Variants in PTCHD4 observed in about 807,000 individuals in gnomAD.
PTCHD4 encodes patched domain containing 4, also known as patched domain-containing protein 4.
PTCHD4 carries 33 observed loss-of-function variants against 58.1 expected under a neutral mutation model. That is an observed-to-expected ratio of 0.57 (90% CI 0.43 to 0.76). PTCHD4 has a LOEUF of 0.76. Among genes scored for constraint, PTCHD4 ranks in the 30% least tolerant of loss-of-function variants. PTCHD4 has a pLI of 0.00. For missense variants in PTCHD4, 1,058 were observed against 1,027.1 expected, an observed-to-expected ratio of 1.03 and a Z score of -0.41; for synonymous variants, 478 against 409.6, an observed-to-expected ratio of 1.17 and a Z score of -2.02.
chr6:47,985,415 G>T (rs1413812640), intron 4 of PTCHD4, among the ~76,000 whole-genome samples: 1 of 152,026 alleles, frequency 6.6e-6, no homozygotes, highest in Admixed American at 6.6e-5. Flanking sequence ...ATTTGCAGTA[G>T]CAAAGCATAT....
chr6:48,038,663 C>CA (rs11417903), intron 3 of PTCHD4, among the ~76,000 whole-genome samples: 71,333 of 120,024 alleles, frequency 0.59, 21,459 homozygotes, highest in East Asian at 0.72. Flanking sequence ...AAGTCTGTCT[C>CA]AAAAAAAAAA....
rs1158669044 is a variant in PTCHD4, at chr6:47,875,249, T to G, written c.*3054A>C. On this transcript the variant is annotated 3_prime_UTR_variant, in exon 5 of 5. Transcript: ENST00000339488. ...TAATTTGAATGGCATTAGTACTTCATAAATGAACAAAACAATGAGTGCAAA... is the reference window on the plus strand; with the variant it reads ...TAATTTGAATGGCATTAGTACTTCAGAAATGAACAAAACAATGAGTGCAAA... Among the ~76,000 whole-genome samples the G allele has an allele frequency of 6.6e-6, 1 of 151,782 alleles. No homozygotes were observed. The highest frequency in any genetic ancestry group is 1.5e-5 in the Non-Finnish European group (1 of 67,860).
intron 4 of PTCHD4, among the ~76,000 whole-genome samples, chr6:47,941,186 A>G (rs1766207281): frequency 6.6e-6 from 1 of 152,184 alleles, no homozygotes. Flanking sequence ...AAGTCCACCA[A>G]TGAGAGACAC....
chr6:47,998,817 G>A (rs1046109483), intron 4 of PTCHD4, among the ~76,000 whole-genome samples: 2 of 152,042 alleles, frequency 1.3e-5, no homozygotes, highest in Non-Finnish European at 2.9e-5. Context: ...TGACACAGTA[G>A]GTCCATGTCA....
intron 3 of PTCHD4, among the ~76,000 whole-genome samples, chr6:48,060,822 C>T (rs1422848584): frequency 6.6e-6 from 1 of 152,214 alleles, no homozygotes; most frequent in Admixed American, 6.5e-5. Context: ...CAGGTGAGGT[C>T]TCTCCATGTT....
chr6:47,963,721 A>G (rs1767184451), intron 4 of PTCHD4, among the ~76,000 whole-genome samples: 1 of 152,216 alleles, frequency 6.6e-6, no homozygotes, highest in Non-Finnish European at 1.5e-5. Flanking sequence ...TCTAAATGAA[A>G]TAAACCACTT....
intron 4 of PTCHD4, among the ~76,000 whole-genome samples, chr6:47,938,339 T>A (rs1167960622): frequency 1.3e-5 from 2 of 152,128 alleles, no homozygotes; most frequent in Non-Finnish European, 2.9e-5. Context: ...TGTCTAACAA[T>A]TTTTCAGATG....
At chr6:48,061,112 C>A (rs769199738) in intron 3 of PTCHD4, among the ~76,000 whole-genome samples, 1 of 152,204 alleles carries the variant, frequency 6.6e-6, no homozygotes, top group Non-Finnish European at 1.5e-5. Flanking sequence ...CCATATCTTG[C>A]GTTCTCATAT....
intron 4 of PTCHD4, among the ~76,000 whole-genome samples, chr6:47,941,153 C>G (rs1766205564): frequency 6.6e-6 from 1 of 152,164 alleles, no homozygotes; most frequent in Non-Finnish European, 1.5e-5. Context: ...TTCCAGAATC[C>G]TTGCTAGCTG....
intron 4 of PTCHD4, among the ~76,000 whole-genome samples, chr6:47,974,922 A>G (rs1204979503): frequency 6.6e-6 from 1 of 152,214 alleles, no homozygotes; most frequent in Non-Finnish European, 1.5e-5. Flanking sequence ...CATCATCATC[A>G]TTCATTCATT....
chr6:48,070,343 A>G, intron 1 of PTCHD4, among the ~76,000 whole-genome samples: 1 of 151,884 alleles, frequency 6.6e-6, no homozygotes. Context: ...TAGAAAGGGA[A>G]CCATCTATGC....
chr6:47,936,276 G>A (rs550395239), intron 4 of PTCHD4, among the ~76,000 whole-genome samples: 9 of 152,180 alleles, frequency 5.9e-5, no homozygotes, highest in African/African-American at 1.9e-4. Context: ...TATCCAATAT[G>A]ATTTGATACA....
chr6:47,901,761 GT>G (rs1764712741), intron 4 of PTCHD4: 5 of 1,229,874 alleles, frequency 4.1e-6, no homozygotes, highest in Non-Finnish European at 2.1e-6. Flanking sequence ...GGTATTGGTG[GT>G]GATGATGATG....
Position 47,860,317 on chromosome 6 carries a change from A to G in PTCHD4, c.*17986T>C, listed in dbSNP as rs1351636574. On this transcript the variant is annotated 3_prime_UTR_variant, in exon 5 of 5. Coordinates refer to ENST00000339488, the MANE Select transcript of PTCHD4 (RefSeq NM_001384253.1). ...ACTCAAGGTAATCAAGAAAGAAATG[A>G]AAGAAATATATAAAACTGTCAATTA... Among the ~76,000 whole-genome samples, 10 of 152,072 alleles carry G rather than the reference A, an allele frequency of 6.6e-5. No individual in the cohort carries two copies. Among genetic ancestry groups the G allele is most frequent in the Non-Finnish European group, 1.3e-4 (9 of 67,966 alleles).
chr6:47,994,724 G>A (rs530959878), intron 4 of PTCHD4, among the ~76,000 whole-genome samples: 2 of 152,184 alleles, frequency 1.3e-5, no homozygotes, highest in Admixed American at 6.5e-5. Flanking sequence ...AAACCCATGG[G>A]TTTCCTTGGA....
chr6:47,999,989 T>G (rs1367908241), intron 4 of PTCHD4, among the ~76,000 whole-genome samples: 2 of 152,194 alleles, frequency 1.3e-5, no homozygotes, highest in African/African-American at 4.8e-5. Context: ...TCCGTGCTGT[T>G]GGCTAGCCAA....
chr6:47,914,756 C>A (rs1488575636), intron 4 of PTCHD4, among the ~76,000 whole-genome samples: 3 of 147,030 alleles, frequency 2.0e-5, no homozygotes, highest in Non-Finnish European at 4.4e-5. Context: ...ATCTATCTAT[C>A]TATCTATCTA....
intron 3 of PTCHD4, among the ~76,000 whole-genome samples, chr6:48,023,648 G>A (rs1315517718): frequency 1.3e-5 from 2 of 152,060 alleles, no homozygotes; most frequent in African/African-American, 4.8e-5. Context: ...TCTTCTTTTA[G>A]GTTGGTTTTA....
intron 4 of PTCHD4, among the ~76,000 whole-genome samples, chr6:47,918,458 G>A (rs936044261): frequency 1.3e-5 from 2 of 152,032 alleles, no homozygotes; most frequent in Admixed American, 1.3e-4. Context: ...CAAAAAAGTT[G>A]AATAAGAAAT....
Sources: allele counts gnomAD v4.1 joint callset (sites outside exome capture counted in the v4.1 genomes callset), GRCh38; gene constraint gnomAD v4.1.1; transcripts MANE v1.5; gene names NCBI Gene and HGNC (gene_info 2026-07-23, HGNC 2026-07-21).